OSBP2: variants seen among roughly 807,000 people sequenced by gnomAD.
The protein encoded by OSBP2 is oxysterol binding protein 2.
In OSBP2, 66 loss-of-function variants were observed where a neutral mutation model predicts 96.0. The observed-to-expected ratio is 0.69, with a 90% CI of 0.56 to 0.84. The LOEUF (loss-of-function observed/expected upper bound fraction) is 0.84. OSBP2 is among the 40% of genes least tolerant of loss of function. OSBP2 has a pLI of 0.00. For missense variants in OSBP2, 1,038 were observed against 1,222.7 expected (o/e 0.85, Z 2.25); for synonymous variants, 525 against 520.9 (o/e 1.01, Z -0.11).
Position 30,906,207 on chromosome 22 carries a change from G to A in OSBP2, c.2619G>A (p.Ala873=), listed in dbSNP as rs747149669. The A allele has an allele frequency of 3.1e-6, 5 of 1,613,916 alleles. No individual in the cohort carries two copies. In the African/African-American group the frequency reaches 4.0e-5, roughly 13 times the overall value. Residue 873 remains alanine (A), a synonymous_variant, in exon 14 of 14, where the codon GCG becomes GCA. Transcript: ENST00000332585. ...SSCSSEEEKE[A]DAYTPLWFEK... ...GTGCCTGCCCAGCAGAGAAGGAGGC[G>A]GATGCCTACACGCCACTGTGGTTTG...
intron 3 of OSBP2, among the ~76,000 whole-genome samples, chr22:30,878,720 G>T (rs1192842500): frequency 6.6e-6 from 1 of 152,178 alleles, no homozygotes; most frequent in Non-Finnish European, 1.5e-5. Flanking sequence ...TACCAAGGAA[G>T]GTAGCATCCC....
At chr22:30,813,955 A>C (rs2091047615) in intron 2 of OSBP2, among the ~76,000 whole-genome samples, 2 of 151,916 alleles carry the variant, frequency 1.3e-5, no homozygotes, top group African/African-American at 4.8e-5. Context: ...GGTGCATGCC[A>C]TCACGTCCAG....
At chr22:30,865,085 G>T (rs1280293899) in intron 2 of OSBP2, among the ~76,000 whole-genome samples, 1 of 152,130 alleles carries the variant, frequency 6.6e-6, no homozygotes, top group African/African-American at 2.4e-5. Flanking sequence ...TGAGAAAAAA[G>T]CTCCACTTCT....
chr22:30,821,648 C>G (rs887733740), intron 2 of OSBP2, among the ~76,000 whole-genome samples: 3 of 152,028 alleles, frequency 2.0e-5, no homozygotes, highest in African/African-American at 7.2e-5. Flanking sequence ...ACACATCCCA[C>G]GGAGATTTCG....
intron 1 of OSBP2, among the ~76,000 whole-genome samples, chr22:30,711,462 C>T (rs2089348267): frequency 6.6e-6 from 1 of 151,962 alleles, no homozygotes; most frequent in African/African-American, 2.4e-5. Flanking sequence ...AAGACCAGGC[C>T]TGGCTCAGTG....
rs1224136662 is a variant in OSBP2, at chr22:30,893,733, G to C, written c.2190G>C (p.Lys730Asn). 6.2e-7 allele frequency: 1 copy of C among 1,614,066 alleles called. No homozygotes were observed. The highest frequency in any genetic ancestry group is 1.1e-5 in the South Asian group (1 of 91,088). Residue 730 changes from lysine (K) to asparagine (N), a missense_variant and splice_region_variant, in exon 11 of 14, where the codon AAG (lysine) becomes AAC (asparagine). Lys to Asn is a moderately conservative substitution (Grantham distance 94). This residue lies in a region of OSBP2 where 737 missense variants were observed against 913.3 expected (regional missense o/e 0.81). Transcript: ENST00000332585. Reference sequence around the variant, plus strand: ...ACTTCTCCAAAGAGGCAGCCCGGAAGGTAAGCAGGACCAGCCACCTCTAAG... The same window carrying C: ...ACTTCTCCAAAGAGGCAGCCCGGAACGTAAGCAGGACCAGCCACCTCTAAG... ...YSYFSKEAAR[K>N]VTGVVSDSQG... is the part of the protein sequence containing the mutation.
chr22:30,812,165 ATTTTTTAT>A (rs2091016958), intron 2 of OSBP2, among the ~76,000 whole-genome samples: 1 of 151,266 alleles, frequency 6.6e-6, no homozygotes, highest in Non-Finnish European at 1.5e-5. Context: ...TCTCATTTTT[ATTTTTTAT>A]TTTTTTATTT....
At chr22:30,805,244 G>T (rs1488863296) in intron 2 of OSBP2, among the ~76,000 whole-genome samples, 1 of 152,216 alleles carries the variant, frequency 6.6e-6, no homozygotes, top group Non-Finnish European at 1.5e-5. Flanking sequence ...TGAAAAATAT[G>T]AACACTATTT....
Position 30,723,352 on chromosome 22 carries a change from G to A in OSBP2, c.645-17809G>A, listed in dbSNP as rs375976593. Among the ~76,000 whole-genome samples the A allele has an allele frequency of 3.4e-5, 5 of 148,370 alleles. No homozygotes were observed. The East Asian group carries it at 8.2e-4, about 24-fold the overall frequency. Reference sequence around the variant, plus strand: ...GAACTCCTGACTTCATGATCCATCCGCCTCAGCCTCCCAAATTGCTGGGAT... The same window carrying A: ...GAACTCCTGACTTCATGATCCATCCACCTCAGCCTCCCAAATTGCTGGGAT... On this transcript the variant is annotated intron_variant, in intron 1 of 13. Transcript: ENST00000332585.
intron 2 of OSBP2, among the ~76,000 whole-genome samples, chr22:30,765,005 G>A (rs535643417): frequency 3.3e-5 from 5 of 152,188 alleles, no homozygotes; most frequent in South Asian, 2.1e-4. Flanking sequence ...ATTCAGATCC[G>A]ATGGTCATAT....
chr22:30,881,539 C>T lies in OSBP2; in HGVS notation c.1108-5887C>T, dbSNP rs1458336407. ...GCCCCAGGTAGAGTTGTCACACAGCCTCAGAGAAATGAGACCACGTTCAGG... is the reference window on the plus strand; with the variant it reads ...GCCCCAGGTAGAGTTGTCACACAGCTTCAGAGAAATGAGACCACGTTCAGG... On this transcript the variant is annotated intron_variant, in intron 3 of 13. Coordinates refer to ENST00000332585, the MANE Select transcript of OSBP2 (RefSeq NM_030758.4). This position sits in a 1 kb window ranked among gnomAD's most constrained non-coding sequence, Gnocchi z 4.5. 1 of 600,084 alleles carries T rather than the reference C, an allele frequency of 1.7e-6. No homozygotes were observed. The highest frequency in any genetic ancestry group is 2.5e-6 in the Non-Finnish European group (1 of 397,036). The allele number at this position is 600,084 out of a possible 1,614,324, so 37.2% of individuals were successfully genotyped here. A position where few individuals can be genotyped will look rare whatever the true frequency, so the allele number is the denominator to read the frequency against.
intron 1 of OSBP2, among the ~76,000 whole-genome samples, chr22:30,730,774 C>CTA (rs1206537838): frequency 0.013 from 183 of 13,814 alleles, 7 homozygotes; most frequent in Middle Eastern, 0.045. Flanking sequence ...CTCTCTCTCT[C>CTA]TATATATATA....
intron 2 of OSBP2, among the ~76,000 whole-genome samples, chr22:30,793,957 A>G (rs1336094244): frequency 6.6e-6 from 1 of 152,252 alleles, no homozygotes; most frequent in Non-Finnish European, 1.5e-5. Context: ...AAAATGTGGT[A>G]CATCCATACA....
Position 30,870,512 on chromosome 22 carries a change from T to C in OSBP2, c.937T>C (p.Leu313=). 6.2e-7 allele frequency: 1 copy of C among 1,613,988 alleles called. No individual in the cohort carries two copies. The highest frequency in any genetic ancestry group is 8.5e-7 in the Non-Finnish European group (1 of 1,180,020). ...CACCCTGAAGAATCTTTCCCTGAAG[T>C]TAGATGACCTCAGCACGTGCAATGA... ...HHTLKNLSLK[L]DDLSTCNDLI... is the part of the protein sequence containing the mutation. Residue 313 remains leucine (L), a synonymous_variant, in exon 3 of 14, where the codon TTA becomes CTA. Transcript: ENST00000332585. This position sits in a 1 kb window ranked among gnomAD's most constrained non-coding sequence, Gnocchi z 4.1.
At chr22:30,734,164 G>A (rs1262572314) in intron 1 of OSBP2, among the ~76,000 whole-genome samples, 6 of 152,144 alleles carry the variant, frequency 3.9e-5, no homozygotes, top group South Asian at 4.2e-4. Flanking sequence ...TAGTAGAGAC[G>A]GGGTTTCACC....
intron 2 of OSBP2, among the ~76,000 whole-genome samples, chr22:30,848,713 G>A (rs529870941): frequency 6.6e-6 from 1 of 152,196 alleles, no homozygotes; most frequent in East Asian, 1.9e-4. Context: ...TCAGTATCAT[G>A]CTTTTGAGGT....
chr22:30,833,277 T>G (rs1602330889), intron 2 of OSBP2, among the ~76,000 whole-genome samples: 1 of 152,226 alleles, frequency 6.6e-6, no homozygotes, highest in East Asian at 1.9e-4. Context: ...CATCACCGTT[T>G]GGCTGTTAAA....
chr22:30,752,128 A>C (rs1287762315), intron 2 of OSBP2, among the ~76,000 whole-genome samples: 3 of 152,028 alleles, frequency 2.0e-5, no homozygotes, highest in Non-Finnish European at 4.4e-5. Flanking sequence ...GCACCCAGCC[A>C]CCTCTGCTCA....
At chr22:30,703,074 C>A (rs2089188918) in intron 1 of OSBP2, among the ~76,000 whole-genome samples, 1 of 152,056 alleles carries the variant, frequency 6.6e-6, no homozygotes, top group South Asian at 2.1e-4. Context: ...CAGGCTTAAG[C>A]CAGGAGTGCA....
Sources: allele counts gnomAD v4.1 joint callset (sites outside exome capture counted in the v4.1 genomes callset), GRCh38; gene constraint gnomAD v4.1.1; regional missense constraint gnomAD v4.1.1; non-coding constraint Gnocchi (gnomAD v3.1); transcripts MANE v1.5; gene names NCBI Gene and HGNC (gene_info 2026-07-23, HGNC 2026-07-21).